IFNGR1: variants seen among roughly 807,000 people sequenced by gnomAD.
IFNGR1 encodes AVP, type 2.
IFNGR1 carries 23 observed loss-of-function variants against 35.4 expected under a neutral mutation model. The ratio of observed to expected loss-of-function variants is 0.65; its 90% CI spans 0.47 to 0.92. The LOEUF is 0.92. Ranked by LOEUF, IFNGR1 falls within the 40% of genes least tolerant of loss-of-function variation. IFNGR1 has a pLI of 0.00. For synonymous variants in IFNGR1, 199 were observed against 209.5 expected (o/e 0.95, Z 0.43); for missense variants, 533 against 583.4 (o/e 0.91, Z 0.89).
chr6:137,219,384 C>G lies in IFNGR1; in HGVS notation c.-57G>C. 6.4e-7 allele frequency: 1 copy of G among 1,560,982 alleles called. No homozygotes were observed. Among genetic ancestry groups the G allele is most frequent in the Non-Finnish European group, 8.7e-7 (1 of 1,152,550 alleles). ...GAGCGCCTGCGGGACCAGCCCAGCA[C>G]TGCCCTCCAGCCCCGGCCTTACGTC... On this transcript the variant is annotated 5_prime_UTR_variant, in exon 1 of 7. Transcript: ENST00000367739.
At chr6:137,210,698 C>T (rs897136050) in intron 1 of IFNGR1, among the ~76,000 whole-genome samples, 1 of 152,088 alleles carries the variant, frequency 6.6e-6, no homozygotes, top group East Asian at 1.9e-4. Context: ...AAAATACTCC[C>T]TAGGTCAAAC....
intron 5 of IFNGR1, among the ~76,000 whole-genome samples, chr6:137,202,787 G>C (rs2114470342): frequency 6.6e-6 from 1 of 152,132 alleles, no homozygotes; most frequent in South Asian, 2.1e-4. Flanking sequence ...TTGCATGGTA[G>C]AACTACAGAT....
chr6:137,210,875 T>C (rs1299039108), intron 1 of IFNGR1, among the ~76,000 whole-genome samples: 1 of 152,230 alleles, frequency 6.6e-6, no homozygotes, highest in Non-Finnish European at 1.5e-5. Flanking sequence ...AACTGGTATA[T>C]TGCCTTAATT....
intron 1 of IFNGR1, among the ~76,000 whole-genome samples, chr6:137,215,033 T>C (rs1301241894): frequency 6.6e-6 from 1 of 152,238 alleles, no homozygotes; most frequent in Non-Finnish European, 1.5e-5. Context: ...CCCTAACATA[T>C]TAAGTATTTA....
rs967930502 is a variant in IFNGR1 at position 137,197,684 on chromosome 6, G to C, written c.*347C>G. Reference sequence around the variant, plus strand: ...TTACAAAAACATATGCTATACCAAGGCAGAGAAAAGAAAAAAAGTGAAGTG... The same window carrying C: ...TTACAAAAACATATGCTATACCAAGCCAGAGAAAAGAAAAAAAGTGAAGTG... On this transcript the variant is annotated 3_prime_UTR_variant, in exon 7 of 7. Transcript: ENST00000367739. 5.1e-5 allele frequency: 11 copies of C among 215,690 alleles called. No homozygotes were observed. The highest frequency in any genetic ancestry group is 2.6e-4 in the Admixed American group (5 of 18,954). The allele number at this position is 215,690 out of a possible 1,614,324, so 13.4% of individuals were successfully genotyped here.
In IFNGR1 at chr6:137,207,033, G is replaced by C; in HGVS notation, c.130C>G (p.Pro44Ala). ...NVTIESYNMN[P>A]IVYWEYQIMP... ...ATCTGGTACTCCCAATATACGATAG[G>C]GTTCATGTTATAGGATTCAATTGTA... Residue 44 changes from proline (P) to alanine (A), a missense_variant, in exon 2 of 7, where the codon CCT becomes GCT. By Grantham distance (27) the Pro-to-Ala change is conservative (BLOSUM62 -1). Coordinates refer to ENST00000367739, the MANE Select transcript of IFNGR1 (RefSeq NM_000416.3). The C allele has an allele frequency of 6.2e-7, 1 of 1,613,922 alleles. No homozygotes were observed. The highest frequency in any genetic ancestry group is 1.3e-5 in the African/African-American group (1 of 75,038).
intron 6 of IFNGR1, among the ~76,000 whole-genome samples, chr6:137,199,729 C>T (rs1779232450): frequency 6.8e-6 from 1 of 148,032 alleles, no homozygotes; most frequent in Non-Finnish European, 1.5e-5. Context: ...GGCACATCTA[C>T]TTAAGTAATA....
At chr6:137,206,362 A>C in intron 2 of IFNGR1, 54 bp from the exon 3 acceptor site, 2 of 1,358,012 alleles carry the variant, frequency 1.5e-6, no homozygotes, top group Non-Finnish European at 2.1e-6. Context: ...AAATAAACTC[A>C]AACCATTTCT....
At position 137,204,443 on chromosome 6, in the gene IFNGR1, T is replaced by A; in HGVS notation, c.435A>T (p.Ile145=). 1.2e-6 allele frequency: 2 copies of A among 1,613,918 alleles called. No homozygotes were observed. Among genetic ancestry groups the A allele is most frequent in the African/African-American group, 2.7e-5 (2 of 75,028 alleles). ...RKEEKQIMID[I]FHPSVFVNGD... is the part of the protein sequence containing the mutation. ...CATTTACAAAAACTGAAGGGTGAAA[T>A]ATGTCAATCATGATTTGCTTCTCCT... is the stretch of plus-strand genomic sequence containing the variant. Residue 145 remains isoleucine (I), a synonymous_variant, in exon 4 of 7, where the codon ATA becomes ATT. Transcript: ENST00000367739.
At chr6:137,214,293 T>C (rs1199101491) in intron 1 of IFNGR1, among the ~76,000 whole-genome samples, 1 of 152,212 alleles carries the variant, frequency 6.6e-6, no homozygotes, top group Admixed American at 6.5e-5. Context: ...CTTTGTATTT[T>C]TGTCAGAACA....
chr6:137,203,672 A>AT lies in IFNGR1; in HGVS notation c.559dup (p.Ile187AsnfsTer8). 6.2e-7 allele frequency: 1 copy of AT among 1,612,772 alleles called. No individual in the cohort carries two copies. Among genetic ancestry groups the AT allele is most frequent in the Non-Finnish European group, 8.5e-7 (1 of 1,179,230 alleles). On this transcript the variant is annotated frameshift_variant, in exon 5 of 7. Coordinates refer to ENST00000367739, the MANE Select transcript of IFNGR1 (RefSeq NM_000416.3). LOFTEE classifies it high-confidence loss of function. ...ACAATCATCTTCCTTCTGCGTGAGT[A>AT]TTTTATACTGGATCTAGATGAAAAA...
intron 1 of IFNGR1, among the ~76,000 whole-genome samples, chr6:137,214,160 A>G (rs989223384): frequency 1.3e-5 from 2 of 152,168 alleles, no homozygotes; most frequent in Non-Finnish European, 2.9e-5. Flanking sequence ...AAGATCTAAC[A>G]CCTTCCCCAT....
chr6:137,204,615 T>C lies in IFNGR1; in HGVS notation c.374-111A>G, dbSNP rs1582635545. On this transcript the variant is annotated intron_variant, in intron 3 of 6. Transcript: ENST00000367739. ...CAACCTATTGTTTTTGTTCTGGTTG[T>C]TCTAAAGCAGGACCACATTTAAACC... The C allele has an allele frequency of 5.7e-5, 53 of 931,882 alleles. No homozygotes were observed. The East Asian group carries it at 1.4e-3, about 24-fold the overall frequency. 57.7% of individuals were successfully genotyped at this position (931,882 alleles called of 1,614,324 possible).
rs980985021 is a variant in IFNGR1, at chr6:137,219,371, G to T, written c.-44C>A. 2 of 1,572,110 alleles carry T rather than the reference G, an allele frequency of 1.3e-6. No homozygotes were observed. The highest frequency in any genetic ancestry group is 1.9e-5 in the Admixed American group (1 of 52,666). On this transcript the variant is annotated 5_prime_UTR_variant, in exon 1 of 7. Coordinates refer to ENST00000367739, the MANE Select transcript of IFNGR1 (RefSeq NM_000416.3). ...TGGCTCCAACCCCGAGCGCCTGCGG[G>T]ACCAGCCCAGCACTGCCCTCCAGCC...
chr6:137,206,114 C>T (rs761950208), intron 3 of IFNGR1, 22 bp downstream of exon 3: 47 of 1,594,682 alleles, frequency 2.9e-5, no homozygotes, highest in Non-Finnish European at 3.9e-5. Flanking sequence ...TTAAAATTTA[C>T]ATGTGTACAC....
At chr6:137,215,209 T>C (rs1779661976) in intron 1 of IFNGR1, 1 of 1,528,226 alleles carries the variant, frequency 6.5e-7, no homozygotes, top group Non-Finnish European at 8.8e-7. Flanking sequence ...TTGGTTTTCA[T>C]TAAGAAAAAT....
intron 1 of IFNGR1, among the ~76,000 whole-genome samples, chr6:137,209,476 C>T (rs897527582): frequency 1.3e-5 from 2 of 152,118 alleles, no homozygotes; most frequent in Admixed American, 1.3e-4. Context: ...ATCACGGGGG[C>T]TGGTCTTTCC....
rs762262685 is a variant in IFNGR1 at position 137,219,331 on chromosome 6, G to C, written c.-4C>G. 5.0e-6 allele frequency: 8 copies of C among 1,602,898 alleles called. No individual in the cohort carries two copies. The highest frequency in any genetic ancestry group is 5.1e-6 in the Non-Finnish European group (6 of 1,175,298). On this transcript the variant is annotated 5_prime_UTR_variant, in exon 1 of 7. Coordinates refer to ENST00000367739, the MANE Select transcript of IFNGR1 (RefSeq NM_000416.3). Reference sequence around the variant, plus strand: ...GTAGGAGAAAGAGGAGAGCCATGCTGCTACCGACGGTCGCTGGCTCCAACC... The same window carrying C: ...GTAGGAGAAAGAGGAGAGCCATGCTCCTACCGACGGTCGCTGGCTCCAACC...
rs1554226264 is a variant in IFNGR1, at chr6:137,198,630, C to A, written c.871G>T (p.Val291Leu). The A allele has an allele frequency of 6.2e-7, 1 of 1,610,362 alleles. No homozygotes were observed. ...IILPKSLISV[V>L]RSATLETKPE... is the part of the protein sequence containing the mutation. ...TTTGTCTCTAAAGTAGCACTTCTTA[C>A]CACAGAGATCTATGGGGAGAAAAAT... Residue 291 changes from valine (V) to leucine (L), a missense_variant, in exon 7 of 7, where the codon GTA (valine) becomes TTA (leucine). Val to Leu is a conservative substitution (Grantham distance 32). Transcript: ENST00000367739.
Sources: allele counts gnomAD v4.1 joint callset (sites outside exome capture counted in the v4.1 genomes callset), GRCh38; gene constraint gnomAD v4.1.1; transcripts MANE v1.5; gene names NCBI Gene and HGNC (gene_info 2026-07-23, HGNC 2026-07-21).